Variants in NAV2 observed in about 807,000 individuals in gnomAD.
The protein encoded by NAV2 is helicase, APC down-regulated 1.
A neutral mutation model predicts 223.2 loss-of-function variants in NAV2; 54 were observed. That is an observed-to-expected ratio of 0.24 (90% CI 0.19 to 0.30). NAV2 has a LOEUF of 0.30. NAV2 is among the 10% of genes least tolerant of loss of function. The probability of loss-of-function intolerance (pLI) is 1.00; values close to 1 mark genes in which losing one functional copy is unlikely to be tolerated. For synonymous variants in NAV2, 1,279 were observed against 1,239.3 expected (o/e 1.03, Z -0.67); for missense variants, 2,806 against 3,147.5 (o/e 0.89, Z 2.60).
At chr11:19,410,340 C>T (rs1009012498) in intron 1 of NAV2, among the ~76,000 whole-genome samples, 4 of 152,200 alleles carry the variant, frequency 2.6e-5, no homozygotes, top group Non-Finnish European at 4.4e-5. Flanking sequence ...ATTCAACACA[C>T]GCTTAAATAA....
intron 1 of NAV2, among the ~76,000 whole-genome samples, chr11:19,638,933 C>T (rs1343968039): frequency 3.3e-5 from 5 of 152,186 alleles, no homozygotes; most frequent in South Asian, 2.1e-4. Flanking sequence ...GCAGAGGTTG[C>T]GGTGAGCTGA....
intron 6 of NAV2, among the ~76,000 whole-genome samples, chr11:19,919,411 C>T (rs1169302284): frequency 6.6e-6 from 1 of 152,026 alleles, no homozygotes; most frequent in Non-Finnish European, 1.5e-5. Flanking sequence ...TGAGTCACCA[C>T]TCCAGACAGT....
chr11:20,096,995 G>A (rs1345310328), intron 30 of NAV2, among the ~76,000 whole-genome samples: 2 of 152,186 alleles, frequency 1.3e-5, no homozygotes, highest in Non-Finnish European at 2.9e-5. Context: ...CTAAGTCATC[G>A]TGCAGTCACC....
chr11:19,349,286 C>A (rs1053829057), upstream of NAV2, among the ~76,000 whole-genome samples: 2 of 152,212 alleles, frequency 1.3e-5, no homozygotes, highest in Admixed American at 6.5e-5. Flanking sequence ...GAAGTCACAT[C>A]CCCTCTGCTG....
At chr11:19,997,747 T>A (rs2052054413) in intron 11 of NAV2, among the ~76,000 whole-genome samples, 1 of 152,104 alleles carries the variant, frequency 6.6e-6, no homozygotes, top group Admixed American at 6.5e-5. Flanking sequence ...GGCTGCCCCA[T>A]CTCTAAAAGG....
At chr11:20,015,559 A>T (rs927277781) in intron 11 of NAV2, among the ~76,000 whole-genome samples, 1 of 152,060 alleles carries the variant, frequency 6.6e-6, no homozygotes, top group Non-Finnish European at 1.5e-5. Context: ...CTTTCATGGC[A>T]TATCTCATGG....
intron 1 of NAV2, among the ~76,000 whole-genome samples, chr11:19,623,191 C>T (rs1050337914): frequency 2.6e-5 from 4 of 152,154 alleles, no homozygotes; most frequent in Admixed American, 2.0e-4. Flanking sequence ...TCTGGCTGCC[C>T]TTAACATTTT....
At chr11:20,019,994 TA>T (rs763255071) in intron 11 of NAV2, among the ~76,000 whole-genome samples, 469 of 133,624 alleles carry the variant, frequency 3.5e-3, no homozygotes, top group Middle Eastern at 3.8e-3. Context: ...GGGCATGAGG[TA>T]AAAAAAAAAA....
intron 1 of NAV2, among the ~76,000 whole-genome samples, chr11:19,666,829 A>AGTGTTT (rs1311852272): frequency 1.4e-3 from 213 of 152,254 alleles, no homozygotes; most frequent in African/African-American, 5.0e-3. Flanking sequence ...GGAGCTTTTA[A>AGTGTTT]AAATGCAGGT....
intron 18 of NAV2, among the ~76,000 whole-genome samples, 153 bp from the exon 19 acceptor site, chr11:20,055,616 A>G (rs2058317779): frequency 6.6e-6 from 1 of 152,216 alleles, no homozygotes; most frequent in African/African-American, 2.4e-5. Flanking sequence ...GTGTAACTCA[A>G]ATGCTGATGG....
intron 1 of NAV2, among the ~76,000 whole-genome samples, chr11:19,649,624 C>T (rs2047910413): frequency 6.6e-6 from 1 of 152,174 alleles, no homozygotes; most frequent in Non-Finnish European, 1.5e-5. Context: ...AAGGGCTCTG[C>T]CTTCATGACC....
rs1270778270 is a variant in NAV2, at chr11:19,872,908, G to A, written c.511+3911G>A. 2.0e-5 allele frequency among the ~76,000 whole-genome samples: 3 copies of A among 152,292 alleles called. No individual in the cohort carries two copies. In the East Asian group the frequency reaches 5.8e-4, roughly 29 times the overall value. On this transcript the variant is annotated intron_variant, in intron 4 of 37. Transcript: ENST00000349880. The stretch of plus-strand genomic sequence containing the variant: ...AACCCATCTATTTGCTCTTGGAGAT[G>A]TGCCAGAGTCCTGTGAGCTTGGGCC...
chr11:19,433,273 C>T (rs1255886635), intron 1 of NAV2, among the ~76,000 whole-genome samples: 1 of 152,112 alleles, frequency 6.6e-6, no homozygotes, highest in Non-Finnish European at 1.5e-5. Flanking sequence ...CTCTTTAACA[C>T]TAGAATGTGT....
At chr11:20,079,961 C>T (rs888377008) in intron 24 of NAV2, 103 bp from the exon 25 acceptor site, 19 of 1,296,392 alleles carry the variant, frequency 1.5e-5, no homozygotes, top group East Asian at 9.5e-5. Context: ...GGAAAACACC[C>T]AGTAGTCCTC....
At chr11:19,559,631 G>A (rs1268431513) in intron 1 of NAV2, among the ~76,000 whole-genome samples, 3 of 152,132 alleles carry the variant, frequency 2.0e-5, no homozygotes, top group African/African-American at 4.8e-5. Flanking sequence ...GGCAGGAGGG[G>A]TCACATGCTT....
At chr11:20,077,681 A>G (rs2059847344) in intron 23 of NAV2, 46 bp downstream of exon 23, 1 of 1,422,132 alleles carries the variant, frequency 7.0e-7, no homozygotes, top group African/African-American at 1.4e-5. Context: ...GGAGTTAACA[A>G]CAAACTTGAA....
chr11:19,587,459 C>T (rs1234569404), intron 1 of NAV2, among the ~76,000 whole-genome samples: 2 of 152,226 alleles, frequency 1.3e-5, no homozygotes, highest in South Asian at 2.1e-4. Flanking sequence ...CACCCATCTT[C>T]TGCGTCGCTC....
intron 1 of NAV2, among the ~76,000 whole-genome samples, chr11:19,480,822 G>A (rs996790359): frequency 1.6e-4 from 25 of 152,134 alleles, no homozygotes; most frequent in African/African-American, 5.3e-4. Flanking sequence ...TAGAGGTGAG[G>A]GTCCAGGCTC....
In NAV2 at chr11:20,102,808, A is replaced by G. The variant is rs374329271; in HGVS notation, c.6418-447A>G. 5.3e-5 allele frequency among the ~76,000 whole-genome samples: 8 copies of G among 152,208 alleles called. No homozygotes were observed. In the South Asian group the frequency reaches 1.2e-3, roughly 24 times the overall value. On this transcript the variant is annotated intron_variant, in intron 32 of 37. Coordinates refer to ENST00000349880, the MANE Select transcript of NAV2 (RefSeq NM_145117.5). ...GGTTAAATACAAAGCTTGCCCTTTCAGCAGGACTTCCCCAAGCCCGGTGCA... is the reference window on the plus strand; with the variant it reads ...GGTTAAATACAAAGCTTGCCCTTTCGGCAGGACTTCCCCAAGCCCGGTGCA...
Sources: gnomAD v4.1 joint callset for allele counts (sites outside exome capture counted in the v4.1 genomes callset) on GRCh38, gnomAD v4.1.1 for gene constraint, MANE v1.5 for transcripts, NCBI Gene and HGNC (gene_info 2026-07-23, HGNC 2026-07-21) for gene names.